Variants in CHD4 observed in about 807,000 individuals in gnomAD.
CHD4 encodes ATP-dependent chromatin remodeler CHD4.
CHD4 carries 35 observed loss-of-function variants against 235.5 expected under a neutral mutation model. The ratio of observed to expected loss-of-function variants is 0.15; its 90% CI spans 0.11 to 0.20. The LOEUF (loss-of-function observed/expected upper bound fraction) is 0.20, where lower values mean the gene tolerates loss of function less well. CHD4 is among the 10% of genes least tolerant of loss of function. CHD4 has a pLI of 1.00. For missense variants in CHD4, 1,329 were observed against 2,432.3 expected (o/e 0.55, Z 9.54); for synonymous variants, 900 against 850.2 (o/e 1.06, Z -1.02).
Position 6,582,694 on chromosome 12 carries a change from A to T in CHD4, c.4291T>A (p.Tyr1431Asn). Residue 1431 changes from tyrosine to asparagine, a missense_variant, in exon 29 of 40, where the codon TAT (tyrosine) becomes AAT (asparagine). Coordinates refer to ENST00000544040, the MANE Select transcript of CHD4 (RefSeq NM_001273.5). ...AAAGCATCCTGAGGTGGCATACCAT[A>T]TCGCATAATTGCATTAAGAAAGGCT... ...RKAFLNAIMR[Y>N]GMPPQDAFTT... 6.2e-7 allele frequency: 1 copy of T among 1,614,198 alleles called. No homozygotes were observed. Among genetic ancestry groups the T allele is most frequent in the Non-Finnish European group, 8.5e-7 (1 of 1,180,040 alleles).
At chr12:6,577,948 C>T in intron 36 of CHD4, 31 bp from the exon 37 acceptor site, 2 of 1,613,092 alleles carry the variant, frequency 1.2e-6, no homozygotes, top group Non-Finnish European at 8.5e-7. Flanking sequence ...AAAAACAAAA[C>T]AAGGAAAGTA....
At chr12:6,592,194 C>T (rs1948412609) in intron 19 of CHD4, 137 bp from the exon 20 acceptor site, 1 of 1,255,878 alleles carries the variant, frequency 8.0e-7, no homozygotes, top group Admixed American at 2.0e-5. Flanking sequence ...AGCACTACCA[C>T]CACCACCATT....
Position 6,592,789 on chromosome 12 carries a change from A to G in CHD4, c.2681T>C (p.Leu894Pro). The G allele has an allele frequency of 6.2e-7, 1 of 1,613,734 alleles. No individual in the cohort carries two copies. The highest frequency in any genetic ancestry group is 8.5e-7 in the Non-Finnish European group (1 of 1,179,960). ...CCCAGTCAGCAACAGCTTGTGCTGG[A>G]GTGAGTAACCATTCAATACCCGGAA... is the stretch of plus-strand genomic sequence containing the variant. ...KFFRVLNGYS[L>P]QHKLLLTGTP... The change falls in exon 18 of 40, where the codon CTC becomes CCC. Residue 894 changes from leucine to proline, a missense_variant. Leu to Pro is a moderately conservative substitution (Grantham distance 98, BLOSUM62 -3). Coordinates refer to ENST00000544040, the MANE Select transcript of CHD4 (RefSeq NM_001273.5).
rs1555163920 is a variant in CHD4 at position 6,580,727 on chromosome 12, A to AAAAAAAAG, written c.4909+316_4909+317insCTTTTTTT. 106 of 244,560 alleles carry AAAAAAAAG rather than the reference A, an allele frequency of 4.3e-4. 10 individuals carry two copies. Among genetic ancestry groups the AAAAAAAAG allele is most frequent in the African/African-American group, 3.1e-3 (100 of 32,570 alleles). The allele number at this position is 244,560 out of a possible 1,614,324, so 15.1% of individuals were successfully genotyped here. On this transcript the variant is annotated intron_variant, in intron 33 of 39. Transcript: ENST00000544040. Reference sequence around the variant, plus strand: ...TTGAAAAAAAAAAAAAAAAAAAAAAAGCCAGGCACAGTGGCTCATGCCTGT... The same window carrying AAAAAAAAG: ...TTGAAAAAAAAAAAAAAAAAAAAAAAAAAAAAAGGCCAGGCACAGTGGCTCATGCCTGT...
Position 6,594,504 on chromosome 12 carries a change from C to T in CHD4, c.2268G>A (p.Gly756=), listed in dbSNP as rs776119274. 42 of 1,613,888 alleles carry T rather than the reference C, an allele frequency of 2.6e-5. No individual in the cohort carries two copies. In the South Asian group the frequency reaches 4.4e-4, roughly 17 times the overall value. Residue 756 remains glycine (G), a synonymous_variant, in exon 15 of 40, where the codon GGG becomes GGA. Coordinates refer to ENST00000544040, the MANE Select transcript of CHD4 (RefSeq NM_001273.5). ...DTILADEMGL[G]KTVQTAVFLY... ...GGAAGACTGCTGTCTGTACAGTTTT[C>T]CCAAGGCCCATCTCATCAGCCAAGA...
At chr12:6,577,417 CAAAAAAAAAAAAA>C (rs60910415) in intron 37 of CHD4, among the ~76,000 whole-genome samples, 11 of 87,324 alleles carry the variant, frequency 1.3e-4, no homozygotes, top group African/African-American at 1.9e-4. Context: ...GATTCTGCCT[CAAAAAAAAAAAAA>C]AAAAAAAAAC....
At chr12:6,606,251 TG>T in intron 2 of CHD4, 22 bp downstream of exon 2, 1 of 1,488,552 alleles carries the variant, frequency 6.7e-7, no homozygotes, top group Non-Finnish European at 9.3e-7. Flanking sequence ...CTTCCCGCCA[TG>T]GGCCCTTGGG....
chr12:6,593,033 T>C lies in CHD4; in HGVS notation c.2652+58A>G. Reference sequence around the variant, plus strand: ...TCTACAAGTTTTCCCCTTAATGAATTGGTAGTACTAGAAAAAACCCAAAGT... The same window carrying C: ...TCTACAAGTTTTCCCCTTAATGAATCGGTAGTACTAGAAAAAACCCAAAGT... On this transcript the variant is annotated intron_variant, in intron 17 of 39. Transcript: ENST00000544040. The surrounding 1 kb of genome is among the most constrained non-coding windows in gnomAD (Gnocchi z 4.9). 6.3e-7 allele frequency: 1 copy of C among 1,597,520 alleles called. No individual in the cohort carries two copies. The highest frequency in any genetic ancestry group is 1.1e-5 in the South Asian group (1 of 90,586).
chr12:6,600,184 G>C, intron 9 of CHD4, 33 bp downstream of exon 9: 2 of 1,609,670 alleles, frequency 1.2e-6, no homozygotes, highest in East Asian at 2.2e-5. Flanking sequence ...TCTTCTCATG[G>C]GTTCCAAGGG....
chr12:6,598,539 A>G, intron 10 of CHD4, 114 bp from the exon 11 acceptor site: 1 of 905,510 alleles, frequency 1.1e-6, no homozygotes, highest in Non-Finnish European at 1.7e-6. Flanking sequence ...GACCTGGAGC[A>G]GTGGCTCATG....
chr12:6,575,912 C>G (rs988771245), intron 37 of CHD4, among the ~76,000 whole-genome samples: 1 of 152,202 alleles, frequency 6.6e-6, no homozygotes, highest in African/African-American at 2.4e-5. Flanking sequence ...CTTTGCCCAA[C>G]CTAATCCCTT....
Position 6,591,680 on chromosome 12 carries a change from A to C in CHD4, c.3222+14T>G, listed in dbSNP as rs200736113. 2 of 1,614,204 alleles carry C rather than the reference A, an allele frequency of 1.2e-6. No homozygotes were observed. The highest frequency in any genetic ancestry group is 3.3e-5 in the Admixed American group (2 of 60,030). On this transcript the variant is annotated intron_variant, in intron 21 of 39. Coordinates refer to ENST00000544040, the MANE Select transcript of CHD4 (RefSeq NM_001273.5). ...TCTATGACTGTTCCCTAAAGCTCCC[A>C]GTCCACATGATACCTGGGAAAAGAT...
intron 25 of CHD4, chr12:6,584,253 T>C (rs921068055): frequency 2.6e-5 from 4 of 152,216 alleles, no homozygotes; most frequent in Admixed American, 2.0e-4. Flanking sequence ...AGTGTACATA[T>C]ATGTGTATGA....
chr12:6,593,724 C>A lies in CHD4; in HGVS notation c.2314-108G>T. The A allele has an allele frequency of 2.1e-6, 2 of 945,866 alleles. No individual in the cohort carries two copies. Among genetic ancestry groups the A allele is most frequent in the Non-Finnish European group, 3.2e-6 (2 of 620,858 alleles). The allele number at this position is 945,866 out of a possible 1,614,324, so 58.6% of individuals were successfully genotyped here. On this transcript the variant is annotated intron_variant, in intron 15 of 39. Transcript: ENST00000544040. This position sits in a 1 kb window ranked among gnomAD's most constrained non-coding sequence, Gnocchi z 4.9. ...TCAAGCTGAGCCAAGGACTGACACA[C>A]CTGCGCTGCTGCTCCTGCTCTCACC...
chr12:6,584,688 T>TG (rs1948250841), intron 25 of CHD4: 1 of 152,190 alleles, frequency 6.6e-6, no homozygotes, highest in Admixed American at 6.6e-5. Context: ...CTGGCCCTTT[T>TG]GTGTATTTTG....
intron 29 of CHD4, 51 bp from the exon 30 acceptor site, chr12:6,582,332 G>A (rs1433912826): frequency 3.3e-6 from 5 of 1,511,408 alleles, no homozygotes; most frequent in Non-Finnish European, 1.8e-6. Context: ...CTGACTCTTA[G>A]ATTCTTTTCC....
At chr12:6,580,790 T>C (rs1252870894) in intron 33 of CHD4, 4 of 404,178 alleles carry the variant, frequency 9.9e-6, no homozygotes, top group Non-Finnish European at 1.3e-5. Context: ...AGGTGGATCA[T>C]GAGGTCAGGA....
At position 6,599,758 on chromosome 12, in the gene CHD4, A is replaced by C; in HGVS notation, c.1482+15T>G. On this transcript the variant is annotated intron_variant, in intron 10 of 39. Transcript: ENST00000544040. The stretch of plus-strand genomic sequence containing the variant: ...ACTTTCCCATTTTTTGCCCCGGCTG[A>C]GATCAGTCACTCACCGTACAACGGG... 3 of 1,613,832 alleles carry C rather than the reference A, an allele frequency of 1.9e-6. No homozygotes were observed. The highest frequency in any genetic ancestry group is 2.5e-6 in the Non-Finnish European group (3 of 1,179,824).
chr12:6,603,515 G>A (rs957413359), intron 2 of CHD4, among the ~76,000 whole-genome samples: 13 of 136,854 alleles, frequency 9.5e-5, no homozygotes, highest in African/African-American at 2.6e-4. Flanking sequence ...GCCAACATAG[G>A]ACAGACAGGA....
Sources: gnomAD v4.1 joint callset for allele counts (sites outside exome capture counted in the v4.1 genomes callset) on GRCh38, gnomAD v4.1.1 for gene constraint, Gnocchi (gnomAD v3.1) non-coding constraint, MANE v1.5 for transcripts, NCBI Gene and HGNC (gene_info 2026-07-23, HGNC 2026-07-21) for gene names.